Variants in EYA2 observed in about 807,000 individuals in gnomAD.
EYA2 encodes the protein protein phosphatase EYA2.
In EYA2, 31 loss-of-function variants were observed where a neutral mutation model predicts 69.2. The observed-to-expected ratio is 0.45, with a 90% CI of 0.34 to 0.60. The LOEUF (loss-of-function observed/expected upper bound fraction) is 0.60, where lower values mean the gene tolerates loss of function less well. Among genes scored for constraint, EYA2 ranks in the 20% least tolerant of loss-of-function variants. The pLI is 0.02. For missense variants in EYA2, 622 were observed against 701.2 expected (o/e 0.89, Z 1.28); for synonymous variants, 257 against 279.4 (o/e 0.92, Z 0.80).
At chr20:47,047,001 G>A (rs1358380428) in intron 5 of EYA2, among the ~76,000 whole-genome samples, 1 of 152,160 alleles carries the variant, frequency 6.6e-6, no homozygotes, top group Non-Finnish European at 1.5e-5. Context: ...GGGTTATTGT[G>A]AAGACAAAAA....
intron 5 of EYA2, among the ~76,000 whole-genome samples, chr20:47,062,933 C>T (rs1244619745): frequency 1.3e-5 from 2 of 152,112 alleles, no homozygotes; most frequent in Non-Finnish European, 2.9e-5. Context: ...AGGAGTGTGG[C>T]AGAAGGCGGG....
At chr20:47,076,757 T>C (rs1202615496) in intron 7 of EYA2, among the ~76,000 whole-genome samples, 3 of 152,202 alleles carry the variant, frequency 2.0e-5, no homozygotes, top group Non-Finnish European at 4.4e-5. Flanking sequence ...AGACTTAGTT[T>C]CTCTCTTCCT....
chr20:46,958,187 A>G (rs1979250292), intron 1 of EYA2, among the ~76,000 whole-genome samples: 1 of 152,210 alleles, frequency 6.6e-6, no homozygotes, highest in African/African-American at 2.4e-5. Context: ...AAATGGGTTC[A>G]GCTGCGCCTG....
At chr20:47,131,754 G>A (rs1352777824) in intron 9 of EYA2, among the ~76,000 whole-genome samples, 2 of 152,144 alleles carry the variant, frequency 1.3e-5, no homozygotes, top group Non-Finnish European at 2.9e-5. Context: ...TCAAAGGAAC[G>A]CAGCCCTGCA....
At position 47,188,831 on chromosome 20, in the gene EYA2, G is replaced by T. The variant is rs768247617; in HGVS notation, c.*698G>T. Reference sequence around the variant, plus strand: ...GATAAAAGGCATTAAATAAAACCACGTTTACATTTTGAAGTGGGGTAGGAT... The same window carrying T: ...GATAAAAGGCATTAAATAAAACCACTTTTACATTTTGAAGTGGGGTAGGAT... On this transcript the variant is annotated 3_prime_UTR_variant, in exon 16 of 16. Coordinates refer to ENST00000327619, the MANE Select transcript of EYA2 (RefSeq NM_005244.5). The T allele has an allele frequency of 9.1e-5, 14 of 153,790 alleles. No homozygotes were observed. Among genetic ancestry groups the T allele is most frequent in the Non-Finnish European group, 1.6e-4 (11 of 68,944 alleles). The allele number at this position is 153,790 out of a possible 1,614,324, so 9.5% of individuals were successfully genotyped here. A position where few individuals can be genotyped will look rare whatever the true frequency, so the allele number is the denominator to read the frequency against.
intron 7 of EYA2, among the ~76,000 whole-genome samples, chr20:47,087,028 C>A (rs2031916069): frequency 6.6e-6 from 1 of 152,048 alleles, no homozygotes; most frequent in Non-Finnish European, 1.5e-5. Flanking sequence ...AGAAGAAATT[C>A]TTTTTCCAGA....
chr20:47,113,671 C>T (rs2868853), intron 9 of EYA2, among the ~76,000 whole-genome samples: 64,901 of 151,974 alleles, frequency 0.43, 15,315 homozygotes, highest in East Asian at 0.67. Context: ...TTTGTATTCA[C>T]CCACTGCAAA....
At chr20:47,022,779 G>C (rs552592296) in intron 5 of EYA2, among the ~76,000 whole-genome samples, 1 of 149,392 alleles carries the variant, frequency 6.7e-6, no homozygotes, top group Admixed American at 6.8e-5. Flanking sequence ...TCAGCCTTCC[G>C]AGTAGCTGGG....
intron 9 of EYA2, among the ~76,000 whole-genome samples, chr20:47,111,521 G>A (rs923176169): frequency 6.6e-6 from 1 of 152,198 alleles, no homozygotes; most frequent in Middle Eastern, 3.2e-3. Context: ...TCCTCCAGCA[G>A]GCAAGTCCAG....
At chr20:47,147,740 G>A (rs965634800) in intron 10 of EYA2, among the ~76,000 whole-genome samples, 3 of 152,180 alleles carry the variant, frequency 2.0e-5, no homozygotes, top group East Asian at 1.9e-4. Flanking sequence ...ACTCCCAGGG[G>A]AAAGAATCTG....
At chr20:47,089,615 T>A in intron 8 of EYA2, among the ~76,000 whole-genome samples, 1 of 152,210 alleles carries the variant, frequency 6.6e-6, no homozygotes, top group South Asian at 2.1e-4. Context: ...GGGATGGTGC[T>A]TTTGAAATCA....
chr20:46,999,074 C>T (rs1015383361), intron 2 of EYA2, among the ~76,000 whole-genome samples: 6 of 152,074 alleles, frequency 3.9e-5, no homozygotes, highest in Non-Finnish European at 8.8e-5. Flanking sequence ...CAAATCATGC[C>T]ATGGAGATTG....
At chr20:47,023,260 A>G (rs118036781) in intron 5 of EYA2, among the ~76,000 whole-genome samples, 7,324 of 152,304 alleles carry the variant, frequency 0.048, 248 homozygotes, top group Non-Finnish European at 0.075. Context: ...TTACTATTAC[A>G]AGAATTAGTT....
chr20:47,168,765 G>A (rs2146649139), intron 10 of EYA2, among the ~76,000 whole-genome samples: 1 of 152,274 alleles, frequency 6.6e-6, no homozygotes, highest in Admixed American at 6.5e-5. Context: ...TCCACCATAT[G>A]GCCAGGGTGA....
chr20:47,166,520 T>A (rs1298543759), intron 10 of EYA2, among the ~76,000 whole-genome samples: 1 of 149,530 alleles, frequency 6.7e-6, no homozygotes, highest in African/African-American at 2.4e-5. Flanking sequence ...CCATCAAGGT[T>A]CCAGAGATGT....
chr20:46,952,873 T>TG (rs1280265431), intron 1 of EYA2, among the ~76,000 whole-genome samples: 1 of 152,234 alleles, frequency 6.6e-6, no homozygotes, highest in Non-Finnish European at 1.5e-5. Context: ...TATCTTAAGA[T>TG]GCAAAGTGAA....
At chr20:47,019,826 G>T (rs1301808693) in intron 5 of EYA2, among the ~76,000 whole-genome samples, 4 of 151,328 alleles carry the variant, frequency 2.6e-5, no homozygotes, top group African/African-American at 9.7e-5. Flanking sequence ...AAAATTATCT[G>T]GGCATGGTGA....
chr20:46,925,321 G>T (rs1003304966), intron 1 of EYA2, among the ~76,000 whole-genome samples: 12 of 152,142 alleles, frequency 7.9e-5, no homozygotes, highest in African/African-American at 2.9e-4. Context: ...GGAAAGAAAA[G>T]ATTCATGACT....
chr20:47,072,292 C>G (rs751527851), intron 6 of EYA2, 40 bp downstream of exon 6: 1 of 1,571,426 alleles, frequency 6.4e-7, no homozygotes, highest in South Asian at 1.1e-5. Flanking sequence ...TCAGTTCTTT[C>G]TGGAAATATT....
Sources: gnomAD v4.1 joint callset for allele counts (sites outside exome capture counted in the v4.1 genomes callset) on GRCh38, gnomAD v4.1.1 for gene constraint, MANE v1.5 for transcripts, NCBI Gene and HGNC (gene_info 2026-07-23, HGNC 2026-07-21) for gene names.